The following ZFHX3 variants were observed in gnomAD, a reference collection of about 807,000 sequenced individuals.
The protein encoded by ZFHX3 is zinc finger homeobox 3.
In ZFHX3, 42 loss-of-function variants were observed where a neutral mutation model predicts 279.1. That is an observed-to-expected ratio of 0.15 (90% CI 0.12 to 0.19). The LOEUF (loss-of-function observed/expected upper bound fraction) is 0.19, where lower values mean the gene tolerates loss of function less well. ZFHX3 is among the 10% of genes least tolerant of loss of function. The pLI is 1.00. For synonymous variants in ZFHX3, 2,293 were observed against 1,957.8 expected (o/e 1.17, Z -4.52); for missense variants, 4,981 against 4,754.0 (o/e 1.05, Z -1.40).
chr16:73,442,747 T>A (rs879162308), intron 3 of ZFHX3, among the ~76,000 whole-genome samples: 1 of 152,034 alleles, frequency 6.6e-6, no homozygotes, highest in Admixed American at 6.5e-5. Context: ...CAGATTTGAA[T>A]AAAGGGGAGC....
intron 4 of ZFHX3, among the ~76,000 whole-genome samples, chr16:72,838,870 G>A (rs191123746): frequency 2.0e-5 from 3 of 152,058 alleles, no homozygotes; most frequent in East Asian, 1.9e-4. Context: ...AATATGTCGC[G>A]GACTCGCCTG....
Position 72,847,826 on chromosome 16 carries a change from G to A in ZFHX3, c.3449-17967C>T, listed in dbSNP as rs141248731. On this transcript the variant is annotated intron_variant, in intron 4 of 9. Transcript: ENST00000268489. ...CTGAATGGAACAGGAAGCAAACCAG[G>A]GCCAAACCCATCACGGCTTAAAGCA... Among the ~76,000 whole-genome samples the A allele has an allele frequency of 2.0e-4, 30 of 152,090 alleles. No homozygotes were observed. The East Asian group carries it at 5.5e-3, about 28-fold the overall frequency.
chr16:73,710,572 A>G (rs142065486), intron 1 of ZFHX3, among the ~76,000 whole-genome samples: 252 of 152,300 alleles, frequency 1.7e-3, no homozygotes, highest in African/African-American at 5.9e-3. Context: ...GGCCACTGCA[A>G]TGGGTGAGCT....
intron 3 of ZFHX3, chr16:73,420,276 A>G (rs180680081): frequency 6.6e-6 from 1 of 152,360 alleles, no homozygotes; most frequent in Admixed American, 6.5e-5. Context: ...TGTAAGTGCT[A>G]TGAATGTTAC....
At chr16:73,684,798 T>A (rs2053062583) in intron 1 of ZFHX3, among the ~76,000 whole-genome samples, 1 of 151,374 alleles carries the variant, frequency 6.6e-6, no homozygotes, top group Non-Finnish European at 1.5e-5. Context: ...CCTCCTGGGT[T>A]CAAGCAATTC....
intron 2 of ZFHX3, among the ~76,000 whole-genome samples, chr16:73,521,286 A>G (rs2019604788): frequency 6.6e-6 from 1 of 152,106 alleles, no homozygotes; most frequent in South Asian, 2.1e-4. Context: ...AATCATATCT[A>G]CCTTAAAGGT....
intron 4 of ZFHX3, among the ~76,000 whole-genome samples, chr16:73,257,811 G>A (rs931598420): frequency 6.6e-6 from 1 of 152,246 alleles, no homozygotes; most frequent in African/African-American, 2.4e-5. Context: ...TTACAGGTTG[G>A]TTATACAGGC....
At chr16:73,507,294 C>G (rs1221283684) in intron 2 of ZFHX3, among the ~76,000 whole-genome samples, 2 of 152,220 alleles carry the variant, frequency 1.3e-5, no homozygotes, top group Non-Finnish European at 2.9e-5. Context: ...ACTGTATACA[C>G]ATAGGATAGA....
At chr16:72,857,585 T>C (rs1195567595) in intron 4 of ZFHX3, among the ~76,000 whole-genome samples, 2 of 152,164 alleles carry the variant, frequency 1.3e-5, no homozygotes, top group Admixed American at 6.5e-5. Flanking sequence ...CTATGAAGGC[T>C]GAGATGGGAG....
At chr16:73,024,091 C>T (rs1011880165) in intron 1 of ZFHX3, among the ~76,000 whole-genome samples, 4 of 152,220 alleles carry the variant, frequency 2.6e-5, no homozygotes, top group African/African-American at 7.2e-5. Context: ...CACCCACTTG[C>T]TCCATAGTCT....
intron 4 of ZFHX3, among the ~76,000 whole-genome samples, chr16:73,282,155 C>A (rs4132875): frequency 2.0e-5 from 3 of 152,006 alleles, no homozygotes; most frequent in Non-Finnish European, 1.5e-5. Flanking sequence ...TTTTCCCCCA[C>A]TCCACAGGTG....
chr16:72,915,964 C>T (rs916773102), intron 3 of ZFHX3, among the ~76,000 whole-genome samples: 8 of 152,162 alleles, frequency 5.3e-5, no homozygotes, highest in African/African-American at 1.4e-4. Flanking sequence ...TGCATTTCAA[C>T]GTTTCACTTC....
chr16:73,885,583 G>T (rs2030319907), intron 1 of ZFHX3, among the ~76,000 whole-genome samples: 1 of 152,076 alleles, frequency 6.6e-6, no homozygotes, highest in Non-Finnish European at 1.5e-5. Flanking sequence ...GCCTCCAGGG[G>T]TCTAAAGATG....
chr16:73,855,209 C>T (rs1045115726), intron 1 of ZFHX3, among the ~76,000 whole-genome samples: 5 of 143,390 alleles, frequency 3.5e-5, no homozygotes, highest in African/African-American at 1.3e-4. Context: ...ATTAATAAGG[C>T]GTTAGCCTTT....
chr16:73,834,522 G>A (rs1961086652), intron 1 of ZFHX3, among the ~76,000 whole-genome samples: 1 of 152,204 alleles, frequency 6.6e-6, no homozygotes, highest in African/African-American at 2.4e-5. Flanking sequence ...AGTTAAATCT[G>A]CATCTGCCAT....
intron 5 of ZFHX3, among the ~76,000 whole-genome samples, chr16:73,176,765 AG>A (rs1487431453): frequency 6.6e-6 from 1 of 151,982 alleles, no homozygotes; most frequent in African/African-American, 2.4e-5. Flanking sequence ...AGTGGAAAAA[AG>A]TCTTCTTCTT....
chr16:72,812,059 T>A (rs373398099), intron 5 of ZFHX3, 21 bp from the exon 6 acceptor site: 1 of 1,613,022 alleles, frequency 6.2e-7, no homozygotes. Context: ...AAGTAGAAGA[T>A]GCAATACAGC....
intron 1 of ZFHX3, among the ~76,000 whole-genome samples, chr16:72,977,787 A>G (rs999764464): frequency 2.0e-5 from 3 of 152,176 alleles, no homozygotes; most frequent in Non-Finnish European, 4.4e-5. Context: ...CATGCACCCC[A>G]GGGTGGAGGG....
At chr16:73,577,993 C>T (rs1343843176) in intron 2 of ZFHX3, among the ~76,000 whole-genome samples, 2 of 152,208 alleles carry the variant, frequency 1.3e-5, no homozygotes, top group Non-Finnish European at 2.9e-5. Context: ...TGCTGACTGA[C>T]GTCAATCACT....
Sources: allele counts gnomAD v4.1 joint callset (sites outside exome capture counted in the v4.1 genomes callset), GRCh38; gene constraint gnomAD v4.1.1; transcripts MANE v1.5; gene names NCBI Gene and HGNC (gene_info 2026-07-23, HGNC 2026-07-21).